FUCA1: variants seen among roughly 807,000 people sequenced by gnomAD.
FUCA1 encodes alpha-L-fucosidase 1, also known as tissue alpha-L-fucosidase.
In FUCA1, 52 loss-of-function variants were observed where a neutral mutation model predicts 56.8. The ratio of observed to expected loss-of-function variants is 0.92; its 90% confidence interval spans 0.73 to 1.15. The LOEUF (loss-of-function observed/expected upper bound fraction) is 1.15, where lower values mean the gene tolerates loss of function less well. Ranked by LOEUF, FUCA1 falls within the 50% of genes most tolerant of loss-of-function variation. FUCA1 has a pLI of 0.00. For synonymous variants in FUCA1, 230 were observed against 226.6 expected (o/e 1.02, Z -0.14); for missense variants, 568 against 592.6 (o/e 0.96, Z 0.43).
chr1:23,853,333 C>T (rs1395923018), intron 5 of FUCA1, among the ~76,000 whole-genome samples: 6 of 151,640 alleles, frequency 4.0e-5, no homozygotes, highest in East Asian at 1.9e-4. Flanking sequence ...CCACCCCATC[C>T]GGGAGGGAGG....
Position 23,865,476 on chromosome 1 carries a change from T to A in FUCA1, c.524+15A>T. On this transcript the variant is annotated intron_variant, in intron 2 of 7. Coordinates refer to ENST00000374479, the MANE Select transcript of FUCA1 (RefSeq NM_000147.5). ...ATCCAAAGAGATAACAGAGTAACCATCCCTGGACACTCACCTCTTCCGGAG... is the reference window on the plus strand; with the variant it reads ...ATCCAAAGAGATAACAGAGTAACCAACCCTGGACACTCACCTCTTCCGGAG... 6.2e-7 allele frequency: 1 copy of A among 1,614,040 alleles called. No individual in the cohort carries two copies. Among genetic ancestry groups the A allele is most frequent in the Non-Finnish European group, 8.5e-7 (1 of 1,179,976 alleles).
rs576547820 is a variant in FUCA1, at chr1:23,867,288, C to T, written c.389+610G>A. Among the ~76,000 whole-genome samples, 52 of 152,268 alleles carry T rather than the reference C, an allele frequency of 3.4e-4. No individual in the cohort carries two copies. The South Asian group carries it at 9.1e-3, about 27-fold the overall frequency. On this transcript the variant is annotated intron_variant, in intron 1 of 7. Transcript: ENST00000374479. This position sits in a 1 kb window ranked among gnomAD's most constrained non-coding sequence, Gnocchi z 4.9. ...AGCGCTCTCTACTCTGTTCTCTGAA[C>T]CAGCCACCCCCAAGTTCCAACAGTT...
Sources: allele counts gnomAD v4.1 joint callset (sites outside exome capture counted in the v4.1 genomes callset), GRCh38; gene constraint gnomAD v4.1.1; non-coding constraint Gnocchi (gnomAD v3.1); transcripts MANE v1.5; gene names NCBI Gene and HGNC (gene_info 2026-07-23, HGNC 2026-07-21).